The following ADAM9 variants were observed in gnomAD, a reference collection of about 807,000 sequenced individuals.
ADAM9 encodes disintegrin and metalloproteinase domain-containing protein 9.
Under a neutral mutation model 108.1 loss-of-function variants are expected in ADAM9, and 54 were observed. The ratio of observed to expected loss-of-function variants is 0.50; its 90% CI spans 0.40 to 0.63. The LOEUF (loss-of-function observed/expected upper bound fraction) is 0.63, where lower values mean the gene tolerates loss of function less well. ADAM9 is among the 20% of genes least tolerant of loss of function. ADAM9 has a pLI of 0.00. For missense variants in ADAM9, 830 were observed against 997.7 expected (o/e 0.83, Z 2.26); for synonymous variants, 316 against 336.0 (o/e 0.94, Z 0.65).
At chr8:39,077,676 G>T (rs913055851) in intron 16 of ADAM9, among the ~76,000 whole-genome samples, 2 of 152,144 alleles carry the variant, frequency 1.3e-5, no homozygotes, top group East Asian at 3.9e-4. Context: ...CAATTTATTA[G>T]CCAGTTTGCT....
At chr8:39,018,488 G>A (rs1370502793) in intron 6 of ADAM9, 1 of 256,014 alleles carries the variant, frequency 3.9e-6, no homozygotes, top group Non-Finnish European at 7.6e-6. Context: ...TTGCATGTGT[G>A]TGTGTGTGTA....
At chr8:39,097,267 CAA>C in intron 20 of ADAM9, among the ~76,000 whole-genome samples, 1 of 151,040 alleles carries the variant, frequency 6.6e-6, no homozygotes, top group South Asian at 2.1e-4. Context: ...AGTTTCTACT[CAA>C]GAGCACCCCC....
chr8:39,064,562 C>G (rs539833918), intron 14 of ADAM9, among the ~76,000 whole-genome samples: 2 of 152,242 alleles, frequency 1.3e-5, no homozygotes, highest in African/African-American at 4.8e-5. Flanking sequence ...GATTTGAAGG[C>G]CTGAGAACCA....
At chr8:38,999,869 G>A (rs914215071) in intron 1 of ADAM9, among the ~76,000 whole-genome samples, 7 of 152,148 alleles carry the variant, frequency 4.6e-5, no homozygotes, top group East Asian at 1.9e-4. Context: ...GGGAATATCC[G>A]CAAGCTCAAA....
At position 39,020,522 on chromosome 8, in the gene ADAM9, A is replaced by G. The variant is rs559318366; in HGVS notation, c.673-1121A>G. On this transcript the variant is annotated intron_variant, in intron 7 of 21. Transcript: ENST00000487273. ...AAATTTTTCTTCTGCTAAATTGGTT[A>G]TATAAATTAATGTTAAAAATAGACA... 2.0e-5 allele frequency among the ~76,000 whole-genome samples: 3 copies of G among 152,358 alleles called. No homozygotes were observed. The East Asian group carries it at 5.8e-4, about 29-fold the overall frequency.
chr8:39,053,219 C>T (rs537924426), intron 12 of ADAM9, among the ~76,000 whole-genome samples: 178 of 152,194 alleles, frequency 1.2e-3, no homozygotes, highest in Non-Finnish European at 2.0e-3. Flanking sequence ...TTTGTGTATT[C>T]TGTATACAAG....
chr8:39,013,265 A>T (rs1836415296), intron 3 of ADAM9, among the ~76,000 whole-genome samples: 1 of 152,170 alleles, frequency 6.6e-6, no homozygotes, highest in African/African-American at 2.4e-5. Context: ...TTAAGAAAAG[A>T]GTGTAAAAAA....
chr8:39,014,833 A>AG, intron 4 of ADAM9: 4 of 408,828 alleles, frequency 9.8e-6, no homozygotes, highest in Admixed American at 8.6e-5. Flanking sequence ...TCTTTAGATT[A>AG]ATTATTAGTA....
At chr8:39,039,885 T>C (rs1271224674) in intron 11 of ADAM9, among the ~76,000 whole-genome samples, 2 of 152,210 alleles carry the variant, frequency 1.3e-5, no homozygotes, top group East Asian at 1.9e-4. Context: ...TCTTTGGGTG[T>C]ATACCCAAAA....
chr8:39,050,941 A>G (rs1295745748), intron 12 of ADAM9, among the ~76,000 whole-genome samples: 1 of 148,388 alleles, frequency 6.7e-6, no homozygotes, highest in East Asian at 2.0e-4. Flanking sequence ...TGTAGCCTTC[A>G]GGGGTCTAGC....
intron 14 of ADAM9, among the ~76,000 whole-genome samples, chr8:39,058,766 T>C (rs1476588840): frequency 6.6e-6 from 1 of 152,202 alleles, no homozygotes; most frequent in Non-Finnish European, 1.5e-5. Context: ...AGGCCTCTAG[T>C]CCAGTAGAGC....
intron 2 of ADAM9, among the ~76,000 whole-genome samples, chr8:39,010,867 T>C (rs1048743221): frequency 1.3e-5 from 2 of 151,974 alleles, no homozygotes; most frequent in African/African-American, 4.8e-5. Context: ...GGAAGCTGGG[T>C]GGATCACCTC....
At position 38,997,097 on chromosome 8, in the gene ADAM9, C is replaced by A. The variant is rs1250277598; in HGVS notation, c.34C>A (p.Leu12Ile). ...GSGARFPSGT[L>I]RVRWLLLLGL... ...TGGCGCGCGCTTTCCCTCGGGGACC[C>A]TTCGTGTCCGGTGGTTGCTGTTGCT... The change falls in exon 1 of 22, where the codon CTT becomes ATT. Residue 12 changes from leucine to isoleucine, a missense_variant. Around this residue, in one of 3 missense-constraint regions of ADAM9, gnomAD observed 211 missense variants for 222.2 expected, o/e 0.95. Coordinates refer to ENST00000487273, the MANE Select transcript of ADAM9 (RefSeq NM_003816.3). 6.2e-7 allele frequency: 1 copy of A among 1,607,044 alleles called. No homozygotes were observed. The highest frequency in any genetic ancestry group is 8.5e-7 in the Non-Finnish European group (1 of 1,179,624).
chr8:39,051,646 A>G (rs1837961975), intron 12 of ADAM9, among the ~76,000 whole-genome samples: 1 of 152,082 alleles, frequency 6.6e-6, no homozygotes, highest in African/African-American at 2.4e-5. Flanking sequence ...TGGTGATGCC[A>G]CTCTGGCTTT....
At chr8:39,066,048 A>T (rs995735483) in intron 14 of ADAM9, among the ~76,000 whole-genome samples, 8 of 152,170 alleles carry the variant, frequency 5.3e-5, no homozygotes, top group African/African-American at 1.9e-4. Flanking sequence ...GACGGTTTCC[A>T]GCTTCATCCA....
chr8:39,063,428 A>T (rs1838357146), intron 14 of ADAM9, among the ~76,000 whole-genome samples: 1 of 152,180 alleles, frequency 6.6e-6, no homozygotes, highest in Admixed American at 6.5e-5. Flanking sequence ...ACTGGCAAAG[A>T]CGACTCATCA....
At chr8:39,069,288 G>C (rs1838599514) in intron 14 of ADAM9, among the ~76,000 whole-genome samples, 1 of 151,912 alleles carries the variant, frequency 6.6e-6, no homozygotes, top group Admixed American at 6.6e-5. Context: ...TAGGAGGGAG[G>C]GAAAATACGT....
At chr8:39,042,360 T>A (rs1484872252) in intron 12 of ADAM9, among the ~76,000 whole-genome samples, 2 of 152,240 alleles carry the variant, frequency 1.3e-5, no homozygotes, top group African/African-American at 2.4e-5. Flanking sequence ...TCTACTTTTT[T>A]AATGCTATTT....
chr8:39,048,485 T>C (rs1837847240), intron 12 of ADAM9, among the ~76,000 whole-genome samples: 1 of 152,230 alleles, frequency 6.6e-6, no homozygotes, highest in Non-Finnish European at 1.5e-5. Flanking sequence ...AGACCTGTTT[T>C]GTGACCTAAA....
Sources: gnomAD v4.1 joint callset for allele counts (sites outside exome capture counted in the v4.1 genomes callset) on GRCh38, gnomAD v4.1.1 for gene constraint, gnomAD v4.1.1 regional missense constraint, MANE v1.5 for transcripts, NCBI Gene and HGNC (gene_info 2026-07-23, HGNC 2026-07-21) for gene names.